RUVBL2: variants seen among roughly 807,000 people sequenced by gnomAD.
RUVBL2 encodes the protein ruvB-like 2.
Under a neutral mutation model 57.9 loss-of-function variants are expected in RUVBL2, and 9 were observed. The ratio of observed to expected loss-of-function variants is 0.16; its 90% confidence interval spans 0.09 to 0.27. RUVBL2 has a LOEUF of 0.27. RUVBL2 is among the 10% of genes least tolerant of loss of function. The probability of loss-of-function intolerance (pLI) is 1.00; values close to 1 mark genes in which losing one functional copy is unlikely to be tolerated. For synonymous variants in RUVBL2, 278 were observed against 264.6 expected (o/e 1.05, Z -0.49); for missense variants, 456 against 669.6 (o/e 0.68, Z 3.52).
At position 49,009,284 on chromosome 19, in the gene RUVBL2, C is replaced by T. The variant is rs145240807; in HGVS notation, c.463-492C>T. 7.7e-3 allele frequency among the ~76,000 whole-genome samples: 1,157 copies of T among 149,304 alleles called. 25 individuals are homozygous for T. The highest frequency in any genetic ancestry group is 0.048 in the East Asian group (236 of 4,886). ...TGGGCAGATCACAAGGTCAGGAGAT[C>T]GAGACCATCCTGGCTATCACAGTGA... is the stretch of plus-strand genomic sequence containing the variant. On this transcript the variant is annotated intron_variant, in intron 6 of 14. Coordinates refer to ENST00000595090, the MANE Select transcript of RUVBL2 (RefSeq NM_006666.3).
At chr19:49,010,312 TG>T in intron 8 of RUVBL2, 175 bp from the exon 9 acceptor site, 1 of 719,344 alleles carries the variant, frequency 1.4e-6, no homozygotes, top group Non-Finnish European at 2.3e-6. Context: ...CTCAGCGCTC[TG>T]GAATGTCCCT....
At chr19:48,998,314 G>A (rs2039104389) in intron 1 of RUVBL2, among the ~76,000 whole-genome samples, 1 of 152,166 alleles carries the variant, frequency 6.6e-6, no homozygotes, top group Non-Finnish European at 1.5e-5. Context: ...AAGGGATGCT[G>A]GGAAATTAGC....
At chr19:49,013,641 G>A (rs538450904) in intron 11 of RUVBL2, among the ~76,000 whole-genome samples, 84 of 152,300 alleles carry the variant, frequency 5.5e-4, no homozygotes, top group African/African-American at 1.9e-3. Context: ...GAGGCCAGGC[G>A]CGGTAGCTCA....
At chr19:48,993,787 C>T (rs566158460), upstream of RUVBL2, 1,228 of 1,314,676 alleles carry the variant, frequency 9.3e-4, 14 homozygotes, top group African/African-American at 0.015. Flanking sequence ...CACGCCCCCA[C>T]AATATTTACA....
chr19:48,995,372 G>A (rs1434430456), intron 1 of RUVBL2, among the ~76,000 whole-genome samples: 1 of 150,282 alleles, frequency 6.7e-6, no homozygotes, highest in Non-Finnish European at 1.5e-5. Context: ...CTTGTAGTCT[G>A]GGGGTAATGT....
At chr19:48,996,158 A>C (rs1027197670) in intron 1 of RUVBL2, among the ~76,000 whole-genome samples, 30 of 151,896 alleles carry the variant, frequency 2.0e-4, no homozygotes, top group Non-Finnish European at 4.1e-4. Flanking sequence ...CTCAAAAAAA[A>C]AAACACAAAC....
At position 49,013,710 on chromosome 19, in the gene RUVBL2, T is replaced by C. The variant is rs542492527; in HGVS notation, c.1002-774T>C. Among the ~76,000 whole-genome samples the C allele has an allele frequency of 5.3e-5, 8 of 152,260 alleles. No individual in the cohort carries two copies. In the East Asian group the frequency reaches 1.4e-3, roughly 26 times the overall value. On this transcript the variant is annotated intron_variant, in intron 11 of 14. Transcript: ENST00000595090. The stretch of plus-strand genomic sequence containing the variant: ...TGGGTGGATCACGAGGTCAAGAGAA[T>C]GAGACCGTCCCGGCCAACATGGTGA...
rs2039223267 is a variant in RUVBL2, at chr19:49,003,469, A to G, written c.123+135A>G. ...GGCTACATACCCATAAACTTCAACC[A>G]CATGTGGGTTTTCTTGGTACTAAAG... On this transcript the variant is annotated intron_variant, in intron 3 of 14. Coordinates refer to ENST00000595090, the MANE Select transcript of RUVBL2 (RefSeq NM_006666.3). 4 of 743,486 alleles carry G rather than the reference A, an allele frequency of 5.4e-6. No individual in the cohort carries two copies. In the Admixed American group the frequency reaches 1.1e-4, roughly 20 times the overall value. 46.1% of individuals were successfully genotyped at this position (743,486 alleles called of 1,614,324 possible).
At chr19:49,010,467 T>TCCGCC in intron 8 of RUVBL2, 21 bp from the exon 9 acceptor site, 1 of 1,401,200 alleles carries the variant, frequency 7.1e-7, no homozygotes, top group Non-Finnish European at 9.9e-7. Flanking sequence ...CCGCCGTTCT[T>TCCGCC]CCCCCACCCC....
intron 1 of RUVBL2, chr19:48,994,212 C>A: frequency 1.9e-6 from 1 of 525,556 alleles, no homozygotes; most frequent in Non-Finnish European, 3.4e-6. Context: ...GCGCAACGGC[C>A]GGTTCCGCAG....
intron 11 of RUVBL2, among the ~76,000 whole-genome samples, 159 bp from the exon 12 acceptor site, chr19:49,014,325 A>T (rs937654416): frequency 2.6e-5 from 4 of 152,246 alleles, no homozygotes; most frequent in African/African-American, 9.6e-5. Context: ...AGGCTGCGTC[A>T]TCAGGGGTGA....
intron 11 of RUVBL2, 23 bp from the exon 12 acceptor site, chr19:49,014,461 C>T: frequency 6.2e-7 from 1 of 1,609,222 alleles, no homozygotes; most frequent in Non-Finnish European, 8.5e-7. Context: ...CCTGACAGCC[C>T]CCTCTTTCTG....
intron 1 of RUVBL2, chr19:48,994,248 AG>A (rs1198725462): frequency 2.2e-6 from 1 of 464,070 alleles, no homozygotes; most frequent in Non-Finnish European, 4.0e-6. Context: ...TGTGATGAGG[AG>A]GGTTGTAGGA....
At chr19:49,004,168 A>T in intron 3 of RUVBL2, 109 bp from the exon 4 acceptor site, 1 of 1,309,932 alleles carries the variant, frequency 7.6e-7, no homozygotes, top group Non-Finnish European at 1.0e-6. Context: ...GGCTTTTCCT[A>T]GAAGTCCCAG....
At chr19:49,010,467 T>TGGCCCCCCCCCC in intron 8 of RUVBL2, 21 bp from the exon 9 acceptor site, 2 of 1,401,200 alleles carry the variant, frequency 1.4e-6, no homozygotes, top group Non-Finnish European at 2.0e-6. Context: ...CCGCCGTTCT[T>TGGCCCCCCCCCC]CCCCCACCCC....
Position 48,998,714 on chromosome 19 carries a change from T to TA in RUVBL2, c.13-603dup, listed in dbSNP as rs1411906176. 7.0e-3 allele frequency among the ~76,000 whole-genome samples: 632 copies of TA among 89,878 alleles called. 2 individuals carry two copies. Among genetic ancestry groups the TA allele is most frequent in the African/African-American group, 0.026 (590 of 22,844 alleles). The allele number at this position is 89,878 out of a possible 152,430, so 59.0% of individuals were successfully genotyped here. On this transcript the variant is annotated intron_variant, in intron 1 of 14. Coordinates refer to ENST00000595090, the MANE Select transcript of RUVBL2 (RefSeq NM_006666.3). The stretch of plus-strand genomic sequence containing the variant: ...ACAGAGCAGACTCCGTCTCAAAAAA[T>TA]AAGAAAAAAAAAAAAGAAATGGGGA...
Position 49,011,313 on chromosome 19 carries a change from G to T in RUVBL2, c.1001+3G>T, listed in dbSNP as rs764774783. 5 of 1,611,868 alleles carry T rather than the reference G, an allele frequency of 3.1e-6. No individual in the cohort carries two copies. In the South Asian group the frequency reaches 3.3e-5, roughly 11 times the overall value. ...GCCACCAACCGTGGCATCACGCGGT[G>T]AGCCGGCTACAGGGGCCTCTGGGGA... is the stretch of plus-strand genomic sequence containing the variant. On this transcript the variant is annotated splice_donor_region_variant and intron_variant, in intron 11 of 14. Coordinates refer to ENST00000595090, the MANE Select transcript of RUVBL2 (RefSeq NM_006666.3). The surrounding 1 kb of genome is among the most constrained non-coding windows in gnomAD (Gnocchi z 4.4).
chr19:49,009,601 G>A (rs1484947722), intron 6 of RUVBL2, among the ~76,000 whole-genome samples, 175 bp from the exon 7 acceptor site: 1 of 152,224 alleles, frequency 6.6e-6, no homozygotes, highest in Non-Finnish European at 1.5e-5. Flanking sequence ...CCATCACCGC[G>A]TCAGGCTGGT....
intron 1 of RUVBL2, among the ~76,000 whole-genome samples, chr19:48,998,582 G>T (rs927289934): frequency 3.3e-5 from 5 of 151,982 alleles, no homozygotes; most frequent in East Asian, 1.9e-4. Context: ...GGTGGTGTGC[G>T]CCTGTAGTCC....
Sources: allele counts gnomAD v4.1 joint callset (sites outside exome capture counted in the v4.1 genomes callset), GRCh38; gene constraint gnomAD v4.1.1; non-coding constraint Gnocchi (gnomAD v3.1); transcripts MANE v1.5; gene names NCBI Gene and HGNC (gene_info 2026-07-23, HGNC 2026-07-21).